Variants in PCDHGA3 observed in about 807,000 individuals in gnomAD.
PCDHGA3 encodes protocadherin gamma-A3.
Under a neutral mutation model 58.5 loss-of-function variants are expected in PCDHGA3, and 40 were observed. The ratio of observed to expected loss-of-function variants is 0.68; its 90% confidence interval spans 0.53 to 0.89. The LOEUF is 0.89. Among genes scored for constraint, PCDHGA3 ranks in the 40% least tolerant of loss-of-function variants. The probability of loss-of-function intolerance (pLI) is 0.00; values close to 1 mark genes in which losing one functional copy is unlikely to be tolerated. For missense variants in PCDHGA3, 1,223 were observed against 1,195.9 expected (o/e 1.02, Z -0.33); for synonymous variants, 530 against 525.7 (o/e 1.01, Z -0.11).
At chr5:141,501,691 G>C (rs910322085) in intron 2 of PCDHGA3, among the ~76,000 whole-genome samples, 1 of 152,092 alleles carries the variant, frequency 6.6e-6, no homozygotes, top group Non-Finnish European at 1.5e-5. Context: ...CTTATCTGCA[G>C]GGTGATTCCG....
chr5:141,381,758 A>C (rs1777407424), intron 1 of PCDHGA3, among the ~76,000 whole-genome samples: 1 of 151,374 alleles, frequency 6.6e-6, no homozygotes. Context: ...TTGTTCTACT[A>C]CTATATAATC....
chr5:141,502,868 T>TTTTTTTTTC (rs1298099288), intron 2 of PCDHGA3, among the ~76,000 whole-genome samples: 1 of 147,026 alleles, frequency 6.8e-6, no homozygotes, highest in Non-Finnish European at 1.5e-5. Flanking sequence ...CTCTCTGTCT[T>TTTTTTTTTC]TTTTTTTTTT....
At chr5:141,473,635 C>A (rs945632106) in intron 1 of PCDHGA3, among the ~76,000 whole-genome samples, 1 of 152,128 alleles carries the variant, frequency 6.6e-6, no homozygotes, top group African/African-American at 2.4e-5. Flanking sequence ...AGCAGCTTTC[C>A]TGGCAAAGGA....
rs1479003983 is a variant in PCDHGA3, at chr5:141,485,352, C to T, written c.2425-9455C>T. On this transcript the variant is annotated intron_variant, in intron 1 of 3. Coordinates refer to ENST00000253812, the MANE Select transcript of PCDHGA3 (RefSeq NM_018916.4). This position sits in a 1 kb window ranked among gnomAD's most constrained non-coding sequence, Gnocchi z 5.7. ...TTCCTGCTGGATACGGACAGTCTGT[C>T]AGCTCGCAGGCTGCAGGTCGCTGGA... 1 of 1,614,136 alleles carries T rather than the reference C, an allele frequency of 6.2e-7. No homozygotes were observed. The highest frequency in any genetic ancestry group is 8.5e-7 in the Non-Finnish European group (1 of 1,180,012).
intron 1 of PCDHGA3, chr5:141,392,161 C>T (rs2092476241): frequency 6.6e-6 from 1 of 152,200 alleles, no homozygotes; most frequent in African/African-American, 2.4e-5. Context: ...AAAACAATTT[C>T]TGAGTCAGTC....
chr5:141,446,251 A>G (rs979768028), intron 1 of PCDHGA3, among the ~76,000 whole-genome samples: 1 of 152,178 alleles, frequency 6.6e-6, no homozygotes, highest in Admixed American at 6.5e-5. Context: ...ATCTTCAGTG[A>G]AATATTATTA....
chr5:141,512,395 C>T lies in PCDHGA3; in HGVS notation c.*1222C>T, dbSNP rs1229077213. ...ACCAAATGAACAGAAAGTCTCAGCCCAGGATGGGGCTTCTTCAACAGGGCC... is the reference window on the plus strand; with the variant it reads ...ACCAAATGAACAGAAAGTCTCAGCCTAGGATGGGGCTTCTTCAACAGGGCC... On this transcript the variant is annotated 3_prime_UTR_variant, in exon 4 of 4. Coordinates refer to ENST00000253812, the MANE Select transcript of PCDHGA3 (RefSeq NM_018916.4). 1 of 152,690 alleles carries T rather than the reference C, an allele frequency of 6.5e-6. No individual in the cohort carries two copies. Among genetic ancestry groups the T allele is most frequent in the Non-Finnish European group, 1.5e-5 (1 of 68,072 alleles). The allele number at this position is 152,690 out of a possible 1,614,324, so 9.5% of individuals were successfully genotyped here.
intron 1 of PCDHGA3, chr5:141,430,850 A>T (rs1204872595): frequency 6.3e-7 from 1 of 1,582,670 alleles, no homozygotes; most frequent in South Asian, 1.2e-5. Context: ...ATGCACCCAG[A>T]TACGCTATTC....
At chr5:141,419,315 C>T in intron 1 of PCDHGA3, 1 of 1,613,998 alleles carries the variant, frequency 6.2e-7, no homozygotes. Flanking sequence ...GCTCAACGGC[C>T]GTGTCTCCTA....
chr5:141,389,432 C>A (rs1007591817), intron 1 of PCDHGA3: 2 of 1,610,650 alleles, frequency 1.2e-6, no homozygotes, highest in Non-Finnish European at 8.5e-7. Flanking sequence ...TCGCGCAGCG[C>A]GCCTTCGACC....
intron 1 of PCDHGA3, among the ~76,000 whole-genome samples, chr5:141,458,829 C>T (rs2098954599): frequency 6.6e-6 from 1 of 152,108 alleles, no homozygotes; most frequent in Non-Finnish European, 1.5e-5. Context: ...GCCTCCCAGG[C>T]TCAAGTGATC....
intron 1 of PCDHGA3, chr5:141,375,531 A>G: frequency 1.2e-6 from 2 of 1,614,040 alleles, no homozygotes; most frequent in Non-Finnish European, 1.7e-6. Context: ...GACGTGGACC[A>G]GAACGCCCAA....
At chr5:141,367,381 C>T (rs1164352847) in intron 1 of PCDHGA3, 1 of 151,950 alleles carries the variant, frequency 6.6e-6, no homozygotes, top group Non-Finnish European at 1.5e-5. Flanking sequence ...ACTAAAAATA[C>T]AAAAAATTAG....
chr5:141,489,592 C>A lies in PCDHGA3; in HGVS notation c.2425-5215C>A, dbSNP rs747085985. On this transcript the variant is annotated intron_variant, in intron 1 of 3. Coordinates refer to ENST00000253812, the MANE Select transcript of PCDHGA3 (RefSeq NM_018916.4). The surrounding 1 kb of genome is among the most constrained non-coding windows in gnomAD (Gnocchi z 4.5). ...GACTGAACACCCCCTGGAGCTAATCCGTGTAGAGGTAGAGATCCTGGATCT... is the reference window on the plus strand; with the variant it reads ...GACTGAACACCCCCTGGAGCTAATCAGTGTAGAGGTAGAGATCCTGGATCT... 3 of 1,614,046 alleles carry A rather than the reference C, an allele frequency of 1.9e-6. No homozygotes were observed. Among genetic ancestry groups the A allele is most frequent in the Non-Finnish European group, 2.5e-6 (3 of 1,179,978 alleles).
At chr5:141,421,699 G>T (rs751572007) in intron 1 of PCDHGA3, 1 of 1,613,928 alleles carries the variant, frequency 6.2e-7, no homozygotes, top group Admixed American at 1.7e-5. Flanking sequence ...TCTTCCTAAT[G>T]CTAGGGATCC....
Position 141,357,291 on chromosome 5 carries a change from G to T in PCDHGA3, c.2424+10834G>T, listed in dbSNP as rs771398262. 1.9e-6 allele frequency: 3 copies of T among 1,613,944 alleles called. No homozygotes were observed. In the South Asian group the frequency reaches 3.3e-5, roughly 18 times the overall value. ...TCACACTCTATCTCGTGGTGGCAGTGGCCGCTGTCTCCTGCGTCTTCCTGG... is the reference window on the plus strand; with the variant it reads ...TCACACTCTATCTCGTGGTGGCAGTTGCCGCTGTCTCCTGCGTCTTCCTGG... On this transcript the variant is annotated intron_variant, in intron 1 of 3. Coordinates refer to ENST00000253812, the MANE Select transcript of PCDHGA3 (RefSeq NM_018916.4).
intron 1 of PCDHGA3, chr5:141,410,438 G>A (rs957017717): frequency 2.5e-6 from 4 of 1,613,894 alleles, no homozygotes; most frequent in African/African-American, 2.7e-5. Flanking sequence ...CTACAGTGAG[G>A]GGACTTTGCC....
At chr5:141,410,479 G>A in intron 1 of PCDHGA3, 2 of 1,613,956 alleles carry the variant, frequency 1.2e-6, no homozygotes, top group Non-Finnish European at 1.7e-6. Flanking sequence ...TTGCACATAC[G>A]GGTACAAAAG....
At chr5:141,353,932 T>C (rs1212162899) in intron 1 of PCDHGA3, among the ~76,000 whole-genome samples, 2 of 152,254 alleles carry the variant, frequency 1.3e-5, no homozygotes, top group Non-Finnish European at 2.9e-5. Context: ...TCATTTCTAC[T>C]GCTAATTGTT....
Sources: allele counts gnomAD v4.1 joint callset (sites outside exome capture counted in the v4.1 genomes callset), GRCh38; gene constraint gnomAD v4.1.1; non-coding constraint Gnocchi (gnomAD v3.1); transcripts MANE v1.5; gene names NCBI Gene and HGNC (gene_info 2026-07-23, HGNC 2026-07-21).